The following ZNF254 variants were observed in gnomAD, a reference collection of about 807,000 sequenced individuals.
ZNF254 encodes the protein CTD-2017D11.1.
Under a neutral mutation model 12.4 loss-of-function variants are expected in ZNF254, and 10 were observed. The observed-to-expected ratio is 0.80, with a 90% CI of 0.50 to 1.36. ZNF254 has a LOEUF of 1.36. ZNF254 is among the 40% of genes most tolerant of loss of function. ZNF254 has a pLI of 0.00. For missense variants in ZNF254, 996 were observed against 763.9 expected (o/e 1.30, Z -3.58); for synonymous variants, 305 against 253.4 (o/e 1.20, Z -1.93).
chr19:24,045,230 T>C (rs1191394259), intron 1 of ZNF254, among the ~76,000 whole-genome samples: 1 of 152,170 alleles, frequency 6.6e-6, no homozygotes, highest in Non-Finnish European at 1.5e-5. Flanking sequence ...TTTATCACTT[T>C]GTGATAGTTT....
At chr19:24,089,702 A>C (rs1001535690) in intron 1 of ZNF254, among the ~76,000 whole-genome samples, 10 of 151,670 alleles carry the variant, frequency 6.6e-5, no homozygotes, top group Non-Finnish European at 1.5e-4. Flanking sequence ...TTCCTAGTGC[A>C]CTTTTTTTTT....
At chr19:24,065,047 A>T (rs1971220471) in intron 2 of ZNF254, among the ~76,000 whole-genome samples, 1 of 152,154 alleles carries the variant, frequency 6.6e-6, no homozygotes, top group African/African-American at 2.4e-5. Flanking sequence ...TGAGACCTGC[A>T]TATTTTGGTT....
chr19:24,051,367 C>T (rs530554013), intron 2 of ZNF254, among the ~76,000 whole-genome samples: 119 of 151,588 alleles, frequency 7.9e-4, no homozygotes, highest in Non-Finnish European at 1.5e-3. Flanking sequence ...ACCATGTTGG[C>T]CAGGCTGGTC....
At position 24,106,644 on chromosome 19, in the gene ZNF254, G is replaced by A; in HGVS notation, c.253+1G>A. On this transcript the variant is annotated splice_donor_variant, in intron 3 of 3. Transcript: ENST00000357002. LOFTEE classifies it high-confidence loss of function. ...CATGAGATGGTGGATGAACCCCCAGGTAGGTGAGAGTGAATACAACAGATG... is the reference window on the plus strand; with the variant it reads ...CATGAGATGGTGGATGAACCCCCAGATAGGTGAGAGTGAATACAACAGATG... The A allele has an allele frequency of 6.3e-7, 1 of 1,577,672 alleles. No individual in the cohort carries two copies. The highest frequency in any genetic ancestry group is 8.6e-7 in the Non-Finnish European group (1 of 1,159,274).
intron 1 of ZNF254, among the ~76,000 whole-genome samples, chr19:24,043,650 T>C (rs1568422933): frequency 6.6e-6 from 1 of 152,194 alleles, no homozygotes; most frequent in Non-Finnish European, 1.5e-5. Flanking sequence ...TTCATCCTTG[T>C]TTTAGGAAAC....
At chr19:24,117,353 T>G (rs1402873548) in intron 3 of ZNF254, among the ~76,000 whole-genome samples, 1 of 152,180 alleles carries the variant, frequency 6.6e-6, no homozygotes, top group Admixed American at 6.5e-5. Context: ...CCACCCAGTT[T>G]GAGCTTCCCG....
At chr19:24,104,373 G>A (rs1181006503) in intron 1 of ZNF254, 2 of 152,248 alleles carry the variant, frequency 1.3e-5, no homozygotes, top group Non-Finnish European at 2.9e-5. Context: ...CAAGATGCAG[G>A]TGTAATTAGT....
intron 1 of ZNF254, among the ~76,000 whole-genome samples, chr19:24,039,359 T>C (rs1970076505): frequency 6.6e-6 from 1 of 152,248 alleles, no homozygotes; most frequent in Admixed American, 6.5e-5. Flanking sequence ...CATGAATGCA[T>C]GAATGCAACC....
At chr19:24,106,684 T>C in intron 3 of ZNF254, 41 bp downstream of exon 3, 1 of 1,490,556 alleles carries the variant, frequency 6.7e-7, no homozygotes, top group South Asian at 1.2e-5. Flanking sequence ...GGATGAGAGG[T>C]CCAAAGTCAA....
intron 1 of ZNF254, among the ~76,000 whole-genome samples, chr19:24,103,417 A>C (rs575008897): frequency 6.6e-6 from 1 of 152,228 alleles, no homozygotes; most frequent in Non-Finnish European, 1.5e-5. Flanking sequence ...TCATAAGCTC[A>C]TTAAAGCTTG....
Position 24,113,072 on chromosome 19 carries a change from A to G in ZNF254, c.253+6429A>G, listed in dbSNP as rs1029920334. 2.6e-5 allele frequency among the ~76,000 whole-genome samples: 4 copies of G among 152,338 alleles called. No homozygotes were observed. In the East Asian group the frequency reaches 7.7e-4, roughly 29 times the overall value. On this transcript the variant is annotated intron_variant, in intron 3 of 3. Transcript: ENST00000357002. ...CCAATGAAAAAGAGTCCTGGATCAG[A>G]TGGATTCACAGCCAAATTCTACCAG...
chr19:24,126,365 TAAG>T lies in ZNF254; in HGVS notation c.368_370del (p.Arg123del). ...AAATATGGACATGAGAATTTACAGT[TAAG>T]AAAAGGCTGTAAAAGTGTGGATGAG... On this transcript the variant is annotated inframe_deletion, in exon 4 of 4. Transcript: ENST00000357002. The T allele has an allele frequency of 6.2e-7, 1 of 1,609,494 alleles. No individual in the cohort carries two copies. The highest frequency in any genetic ancestry group is 2.2e-5 in the East Asian group (1 of 44,806).
intron 2 of ZNF254, among the ~76,000 whole-genome samples, chr19:24,061,862 T>A (rs1971081734): frequency 6.6e-6 from 1 of 152,020 alleles, no homozygotes; most frequent in Non-Finnish European, 1.5e-5. Context: ...GGTGGACGGA[T>A]CACCTGATGT....
intron 1 of ZNF254, among the ~76,000 whole-genome samples, chr19:24,088,888 C>T (rs1211533500): frequency 6.6e-6 from 1 of 151,656 alleles, no homozygotes; most frequent in East Asian, 1.9e-4. Flanking sequence ...AACTCCTAGC[C>T]TCAAGCGATC....
intron 3 of ZNF254, chr19:24,106,857 C>G: frequency 4.6e-6 from 2 of 435,640 alleles, no homozygotes; most frequent in African/African-American, 4.0e-5. Flanking sequence ...GATCTTCCTC[C>G]AAGTTTACAG....
intron 3 of ZNF254, chr19:24,107,300 G>T (rs1973406338): frequency 5.3e-6 from 3 of 568,696 alleles, no homozygotes; most frequent in South Asian, 2.3e-5. Context: ...TGGATAATAT[G>T]GCAGTTTCAT....
rs555029632 is a variant in ZNF254 at position 24,118,405 on chromosome 19, G to T, written c.254-7849G>T. Among the ~76,000 whole-genome samples, 9 of 152,002 alleles carry T rather than the reference G, an allele frequency of 5.9e-5. No homozygotes were observed. In the South Asian group the frequency reaches 1.9e-3, roughly 32 times the overall value. On this transcript the variant is annotated intron_variant, in intron 3 of 3. Transcript: ENST00000357002. ...AGGTGTTTTTAAAAAATTGATAGTG[G>T]TCATTTAAATGGATGTGATGGATTT...
At chr19:24,045,909 A>T in intron 1 of ZNF254, among the ~76,000 whole-genome samples, 1 of 152,032 alleles carries the variant, frequency 6.6e-6, no homozygotes, top group South Asian at 2.1e-4. Context: ...TTCAGGAAAA[A>T]AAAAATTCTA....
chr19:24,107,546 TG>T (rs1465692689), intron 3 of ZNF254, among the ~76,000 whole-genome samples: 1 of 152,126 alleles, frequency 6.6e-6, no homozygotes, highest in Non-Finnish European at 1.5e-5. Context: ...GCTAATTAAC[TG>T]AGTGTATTCA....
Sources: allele counts gnomAD v4.1 joint callset (sites outside exome capture counted in the v4.1 genomes callset), GRCh38; gene constraint gnomAD v4.1.1; transcripts MANE v1.5; gene names NCBI Gene and HGNC (gene_info 2026-07-23, HGNC 2026-07-21).